CPNE6: variants seen among roughly 807,000 people sequenced by gnomAD.
CPNE6 encodes the protein copine 6, also known as copine-6.
CPNE6 carries 33 observed loss-of-function variants against 71.5 expected under a neutral mutation model. That is an observed-to-expected ratio of 0.46 (90% confidence interval 0.35 to 0.62). The LOEUF is 0.62. CPNE6 is among the 20% of genes least tolerant of loss of function. The pLI is 0.00. For missense variants in CPNE6, 576 were observed against 747.3 expected, an observed-to-expected ratio of 0.77 and a Z score of 2.67; for synonymous variants, 296 against 293.0, an observed-to-expected ratio of 1.01 and a Z score of -0.10.
rs2036045543 is a variant in CPNE6 at position 24,075,886 on chromosome 14, G to A, written c.924G>A (p.Thr308=). 5 of 1,613,906 alleles carry A rather than the reference G, an allele frequency of 3.1e-6. No individual in the cohort carries two copies. The highest frequency in any genetic ancestry group is 2.7e-5 in the African/African-American group (2 of 74,890). ...TGGGTGGCTGCCAGATCAGCTTCAC[G>A]GTAAAGACTCAGAGGGAGGGCACAC... is the stretch of plus-strand genomic sequence containing the variant. Residue 308 remains threonine (T), a splice_region_variant and synonymous_variant, in exon 11 of 18, where the codon ACG becomes ACA. Transcript: ENST00000397016. The surrounding 1 kb of genome is among the most constrained non-coding windows in gnomAD (Gnocchi z 4.3).
At chr14:24,076,224 C>A (rs1321821006) in exon 12 of CPNE6, 1 of 1,614,220 alleles carries the variant, frequency 6.2e-7, no homozygotes, top group East Asian at 2.2e-5. Context: ...TCCCCGACAG[C>A]CCAACCACTA....
exon 2 of CPNE6, chr14:24,071,631 C>G: frequency 1.8e-6 from 2 of 1,095,902 alleles, no homozygotes; most frequent in East Asian, 2.6e-5. Flanking sequence ...AGCCCCCGAC[C>G]GAGAGCCCAG....
At position 24,077,588 on chromosome 14, in the gene CPNE6, C is replaced by G. The variant is rs753369068; in HGVS notation, c.1537-5C>G. On this transcript the variant is annotated splice_polypyrimidine_tract_variant and splice_region_variant and intron_variant, in intron 16 of 17. Coordinates refer to ENST00000397016, the Ensembl canonical transcript of CPNE6. This position sits in a 1 kb window ranked among gnomAD's most constrained non-coding sequence, Gnocchi z 6.1. The stretch of plus-strand genomic sequence containing the variant: ...CCCCTAACCACATCACTGTCCCCAC[C>G]CTAGGCTGCCCCCTCTGCACTCGCC... 2 of 1,579,116 alleles carry G rather than the reference C, an allele frequency of 1.3e-6. No individual in the cohort carries two copies. Among genetic ancestry groups the G allele is most frequent in the South Asian group, 1.2e-5 (1 of 84,784 alleles).
At chr14:24,072,152 G>A (rs187329944) in intron 2 of CPNE6, 112 of 153,050 alleles carry the variant, frequency 7.3e-4, no homozygotes, top group Non-Finnish European at 1.2e-3. Context: ...TACCACTGCT[G>A]GGGGAAGGTG....
At position 24,077,469 on chromosome 14, in the gene CPNE6, T is replaced by C; in HGVS notation, c.1536+79T>C. On this transcript the variant is annotated intron_variant, in intron 16 of 17. Transcript: ENST00000397016. This position sits in a 1 kb window ranked among gnomAD's most constrained non-coding sequence, Gnocchi z 6.1. Reference sequence around the variant, plus strand: ...CAAATCTGACCTTCGTCTTCCACCATTTGATGTCCTGCTAAGGACGCGGGA... The same window carrying C: ...CAAATCTGACCTTCGTCTTCCACCACTTGATGTCCTGCTAAGGACGCGGGA... 6.4e-7 allele frequency: 1 copy of C among 1,570,606 alleles called. No homozygotes were observed. Among genetic ancestry groups the C allele is most frequent in the Non-Finnish European group, 8.8e-7 (1 of 1,141,002 alleles).
intron 1 of CPNE6, chr14:24,071,307 C>G (rs760079184): frequency 1.4e-6 from 2 of 1,404,282 alleles, no homozygotes; most frequent in African/African-American, 2.9e-5. Context: ...CTGCAATGTG[C>G]GCATCTCTGC....
Position 24,073,754 on chromosome 14 carries a change from A to C in CPNE6, c.348+76A>C. 9 of 1,487,646 alleles carry C rather than the reference A, an allele frequency of 6.0e-6. No homozygotes were observed. The South Asian group carries it at 1.2e-4, about 19-fold the overall frequency. The allele number at this position is 1,487,646 out of a possible 1,614,324, so 92.2% of individuals were successfully genotyped here. On this transcript the variant is annotated intron_variant, in intron 4 of 17. Transcript: ENST00000397016. The surrounding 1 kb of genome is among the most constrained non-coding windows in gnomAD (Gnocchi z 5.5). ...GCCTCTGGAAGCCAAAAAGAGAGAA[A>C]ACATGAGCTCTAGAGCTAGTTCAAC...
At chr14:24,071,400 C>G (rs1171760063) in intron 1 of CPNE6, 162 bp from the exon 1 acceptor site, 16 of 1,453,646 alleles carry the variant, frequency 1.1e-5, no homozygotes, top group Non-Finnish European at 1.4e-5. Flanking sequence ...CACCCCCAGC[C>G]TGCCCTCCTC....
At chr14:24,076,103 G>T (rs1280424622) in intron 11 of CPNE6, 46 bp from the exon 11 acceptor site, 1 of 1,600,140 alleles carries the variant, frequency 6.2e-7, no homozygotes, top group South Asian at 1.1e-5. Context: ...AGGCAATCTG[G>T]TGGCTCTCAT....
chr14:24,076,404 C>G (rs373636695), exon 13 of CPNE6: 1 of 1,614,210 alleles, frequency 6.2e-7, no homozygotes, highest in African/African-American at 1.3e-5. Flanking sequence ...CGAATCCCCC[C>G]CAACTTCGAG....
chr14:24,073,630 C>G lies in CPNE6; in HGVS notation c.300C>G (p.Ser100Arg), dbSNP rs781341280. ...TCGATGCCGAGGACGGAGCCACCAGCCCCCGAAATGATACCTTCCTCGGCT... is the reference window on the plus strand; with the variant it reads ...TCGATGCCGAGGACGGAGCCACCAGGCCCCGAAATGATACCTTCCTCGGCT... Residue 100 changes from serine to arginine, a missense_variant, in exon 4 of 18, where the codon AGC becomes AGG. By Grantham distance (110) the Ser-to-Arg change is moderately radical (BLOSUM62 -1). Around this residue, in one of 4 missense-constraint regions of CPNE6, gnomAD observed 214 missense variants for 291.2 expected, o/e 0.73. Coordinates refer to ENST00000397016, the Ensembl canonical transcript of CPNE6. The surrounding 1 kb of genome is among the most constrained non-coding windows in gnomAD (Gnocchi z 5.5). The G allele has an allele frequency of 1.2e-6, 2 of 1,613,968 alleles. No individual in the cohort carries two copies. Among genetic ancestry groups the G allele is most frequent in the Admixed American group, 1.7e-5 (1 of 60,018 alleles).
At chr14:24,076,672 T>G in intron 14 of CPNE6, 115 bp downstream of exon 13, 1 of 1,493,704 alleles carries the variant, frequency 6.7e-7, no homozygotes, top group Non-Finnish European at 9.2e-7. Context: ...CCCAGGCCTG[T>G]CTTTATCAGG....
In CPNE6 at chr14:24,075,368, G is replaced by T. The variant is rs2036026830; in HGVS notation, c.777+92G>T. ...AAGAGACCACCATAGGTGATAGGAA[G>T]TGGAGAGGGTGGAAAGCACCTGGGC... is the stretch of plus-strand genomic sequence containing the variant. On this transcript the variant is annotated intron_variant, in intron 9 of 17. Coordinates refer to ENST00000397016, the Ensembl canonical transcript of CPNE6. The surrounding 1 kb of genome is among the most constrained non-coding windows in gnomAD (Gnocchi z 4.3). 1 of 1,383,022 alleles carries T rather than the reference G, an allele frequency of 7.2e-7. No individual in the cohort carries two copies. The highest frequency in any genetic ancestry group is 1.4e-5 in the African/African-American group (1 of 70,206). The allele number at this position is 1,383,022 out of a possible 1,614,324, so 85.7% of individuals were successfully genotyped here.
At chr14:24,072,959 G>T in exon 3 of CPNE6, 1 of 1,583,826 alleles carries the variant, frequency 6.3e-7, no homozygotes. Context: ...GAGATGGGAT[G>T]GGTGCCTGAG....
intron 1 of CPNE6, chr14:24,071,154 T>A: frequency 8.9e-7 from 1 of 1,128,820 alleles, no homozygotes; most frequent in African/African-American, 1.5e-5. Flanking sequence ...TCCCAATGTG[T>A]ATCCGCCGGG....
exon 2 of CPNE6, chr14:24,071,631 C>A: frequency 9.1e-7 from 1 of 1,095,900 alleles, no homozygotes; most frequent in Non-Finnish European, 1.3e-6. Context: ...AGCCCCCGAC[C>A]GAGAGCCCAG....
In CPNE6 at chr14:24,072,918, GCT is replaced by G. The variant is rs1306492048; in HGVS notation, c.-4-12_-4-11del. ...TCCCTTTCCAGAGTCCAGGCCACCT[GCT>G]CTGTCCCCACAGTGACATGTCGGAC... On this transcript the variant is annotated splice_polypyrimidine_tract_variant and intron_variant, in intron 2 of 17. Transcript: ENST00000397016. 7.1e-6 allele frequency: 11 copies of G among 1,542,594 alleles called. No homozygotes were observed. The highest frequency in any genetic ancestry group is 9.6e-6 in the Non-Finnish European group (11 of 1,146,642).
chr14:24,074,586 A>C lies in CPNE6; in HGVS notation c.554A>C (p.Gln185Pro). The C allele has an allele frequency of 6.2e-7, 1 of 1,614,180 alleles. No individual in the cohort carries two copies. The highest frequency in any genetic ancestry group is 2.2e-5 in the East Asian group (1 of 44,890). Residue 185 changes from glutamine (Q) to proline (P), a missense_variant, in exon 7 of 18, where the codon CAA becomes CCA. Around this residue, in one of 4 missense-constraint regions of CPNE6, gnomAD observed 214 missense variants for 291.2 expected, o/e 0.73. Transcript: ENST00000397016. This position sits in a 1 kb window ranked among gnomAD's most constrained non-coding sequence, Gnocchi z 4.5. ...GAAATCTATAAGACCAACGAGGACC[A>C]AAGTGATCAGCTGGTCTGGAGAACT...
rs377388682 is a variant in CPNE6 at position 24,075,590 on chromosome 14, C to G, written c.863C>G (p.Thr288Arg). 2 of 1,607,868 alleles carry G rather than the reference C, an allele frequency of 1.2e-6. No homozygotes were observed. Among genetic ancestry groups the G allele is most frequent in the Non-Finnish European group, 1.7e-6 (2 of 1,176,882 alleles). The stretch of plus-strand genomic sequence containing the variant: ...GGGACGGTAGTGCTGGCCCAGTGCA[C>G]GGTAAATTTCACTTCCTGCTTCAAG... The change falls in exon 10 of 18, where the codon ACG becomes AGG. Residue 288 changes from threonine to arginine, a missense_variant and splice_region_variant. By Grantham distance (71) the Thr-to-Arg change is moderately conservative (BLOSUM62 -1). Around this residue, in one of 4 missense-constraint regions of CPNE6, gnomAD observed 214 missense variants for 291.2 expected, o/e 0.73. Coordinates refer to ENST00000397016, the Ensembl canonical transcript of CPNE6. The surrounding 1 kb of genome is among the most constrained non-coding windows in gnomAD (Gnocchi z 4.3).
Sources: gnomAD v4.1 joint callset for allele counts on GRCh38, gnomAD v4.1.1 for gene constraint, gnomAD v4.1.1 regional missense constraint, Gnocchi (gnomAD v3.1) non-coding constraint, MANE v1.5 for transcripts, NCBI Gene and HGNC (gene_info 2026-07-23, HGNC 2026-07-21) for gene names.